UNC13C: variants seen among roughly 807,000 people sequenced by gnomAD.
The protein encoded by UNC13C is protein unc-13 homolog C.
UNC13C carries 174 observed loss-of-function variants against 245.4 expected under a neutral mutation model. That is an observed-to-expected ratio of 0.71 (90% CI 0.63 to 0.80). UNC13C has a LOEUF of 0.80. Among genes scored for constraint, UNC13C ranks in the 30% least tolerant of loss-of-function variants. The pLI, the probability that UNC13C is intolerant of heterozygous loss-of-function variation, is 0.00. For synonymous variants in UNC13C, 992 were observed against 895.1 expected, an observed-to-expected ratio of 1.11 and a Z score of -1.93; for missense variants, 2,829 against 2,602.9, an observed-to-expected ratio of 1.09 and a Z score of -1.89.
chr15:54,552,672 T>C (rs1230074942), intron 28 of UNC13C, among the ~76,000 whole-genome samples: 3 of 84,318 alleles, frequency 3.6e-5, no homozygotes, highest in African/African-American at 5.5e-5. Context: ...TATTGTACTA[T>C]ATAATATAAT....
At chr15:54,311,474 G>T (rs2140963561) in intron 13 of UNC13C, among the ~76,000 whole-genome samples, 1 of 151,706 alleles carries the variant, frequency 6.6e-6, no homozygotes, top group African/African-American at 2.4e-5. Flanking sequence ...AGTTGTTATT[G>T]AAACTGGTAA....
chr15:54,333,730 C>A, intron 15 of UNC13C, 37 bp from the exon 16 acceptor site: 1 of 1,425,674 alleles, frequency 7.0e-7, no homozygotes, highest in Non-Finnish European at 9.8e-7. Flanking sequence ...AAGTTTACTG[C>A]TGACAACCTT....
chr15:54,554,237 A>ATAGATTATTATCTTCAGGT (rs1406407176), intron 28 of UNC13C, among the ~76,000 whole-genome samples: 1 of 152,016 alleles, frequency 6.6e-6, no homozygotes, highest in African/African-American at 2.4e-5. Flanking sequence ...CGAGACATAG[A>ATAGATTATTATCTTCAGGT]TAGATTATTA....
the UNC13C span, among the ~76,000 whole-genome samples, chr15:53,871,533 G>C: frequency 6.6e-6 from 1 of 152,200 alleles, no homozygotes; most frequent in East Asian, 1.9e-4. Flanking sequence ...TGAGCAACTT[G>C]AGGGAAGGTC....
the UNC13C span, among the ~76,000 whole-genome samples, chr15:53,865,948 C>G: frequency 0.021 from 3,228 of 151,862 alleles, 122 homozygotes; most frequent in African/African-American, 0.074. Flanking sequence ...AATTCTGAAC[C>G]TATACAATAG....
At chr15:54,476,722 T>C (rs1029134503) in intron 19 of UNC13C, among the ~76,000 whole-genome samples, 8 of 150,476 alleles carry the variant, frequency 5.3e-5, no homozygotes, top group African/African-American at 2.0e-4. Flanking sequence ...CCTTGTAGTA[T>C]AGTTTGAAGT....
At chr15:54,145,538 T>C (rs1247323403) in intron 4 of UNC13C, among the ~76,000 whole-genome samples, 3 of 152,208 alleles carry the variant, frequency 2.0e-5, no homozygotes, top group Admixed American at 6.5e-5. Flanking sequence ...AAGATCATTA[T>C]GAATTATTCA....
chr15:53,850,407 G>C, the UNC13C span, among the ~76,000 whole-genome samples: 1 of 151,896 alleles, frequency 6.6e-6, no homozygotes, highest in African/African-American at 2.4e-5. Context: ...AGAGCAAGAC[G>C]CTGTCTCTAA....
At chr15:54,111,914 G>T (rs897427451) in intron 2 of UNC13C, among the ~76,000 whole-genome samples, 1 of 152,090 alleles carries the variant, frequency 6.6e-6, no homozygotes, top group Non-Finnish European at 1.5e-5. Context: ...AGAAATGGTG[G>T]CATGCAAAGT....
intron 1 of UNC13C, among the ~76,000 whole-genome samples, chr15:54,011,069 A>T (rs1304174528): frequency 6.6e-6 from 1 of 152,080 alleles, no homozygotes; most frequent in Non-Finnish European, 1.5e-5. Context: ...ATTTTTACAG[A>T]TAGTGAGGGC....
At chr15:54,467,746 C>A (rs1892258052) in intron 19 of UNC13C, among the ~76,000 whole-genome samples, 1 of 151,624 alleles carries the variant, frequency 6.6e-6, no homozygotes. Context: ...TCTCACTAAG[C>A]ATAATGTCCT....
At chr15:54,202,860 A>G (rs1189224360) in intron 4 of UNC13C, among the ~76,000 whole-genome samples, 1 of 151,986 alleles carries the variant, frequency 6.6e-6, no homozygotes, top group Non-Finnish European at 1.5e-5. Context: ...CAAAAGAAAT[A>G]AACAGCAGAG....
the UNC13C span, among the ~76,000 whole-genome samples, chr15:53,894,879 C>A: frequency 1.3e-5 from 2 of 152,152 alleles, no homozygotes; most frequent in South Asian, 4.2e-4. Flanking sequence ...TCACCATGTT[C>A]AATAATAATC....
intron 26 of UNC13C, among the ~76,000 whole-genome samples, chr15:54,544,432 G>A (rs1444664306): frequency 6.6e-6 from 1 of 152,154 alleles, no homozygotes. Context: ...ACATAGTATT[G>A]GAAGTTCTGG....
chr15:53,976,472 TCTC>T (rs1289383909), upstream of UNC13C, among the ~76,000 whole-genome samples: 49 of 67,482 alleles, frequency 7.3e-4, no homozygotes, highest in Non-Finnish European at 1.3e-3. Context: ...TCTCTCTCTC[TCTC>T]TCTTTTTTTT....
At chr15:54,129,605 T>C (rs886886468) in intron 2 of UNC13C, among the ~76,000 whole-genome samples, 1 of 151,960 alleles carries the variant, frequency 6.6e-6, no homozygotes, top group Admixed American at 6.6e-5. Flanking sequence ...TTTGGTAATT[T>C]ATATTTTTAA....
chr15:54,414,420 T>C (rs2040477444), intron 18 of UNC13C, among the ~76,000 whole-genome samples: 1 of 151,952 alleles, frequency 6.6e-6, no homozygotes, highest in African/African-American at 2.4e-5. Context: ...GCCAAGGTGG[T>C]TGAATCACCT....
chr15:54,406,725 A>G (rs1232447363), intron 18 of UNC13C, among the ~76,000 whole-genome samples: 1 of 152,184 alleles, frequency 6.6e-6, no homozygotes, highest in African/African-American at 2.4e-5. Flanking sequence ...AATTCTTAAT[A>G]TTAAGTGAGC....
chr15:54,338,354 T>TGTC lies in UNC13C; in HGVS notation c.4585-7_4585-6insGTC, dbSNP rs2141004822. The TGTC allele has an allele frequency of 1.2e-6, 2 of 1,608,978 alleles. No homozygotes were observed. ...CATTTGAGAAAATAAATGTCTGTCT[T>TGTC]TGTCAGGTTCTGGAGCTGCAAAGCC... On this transcript the variant is annotated splice_region_variant and splice_polypyrimidine_tract_variant and intron_variant, in intron 16 of 32. Transcript: ENST00000260323.
Sources: allele counts gnomAD v4.1 joint callset (sites outside exome capture counted in the v4.1 genomes callset), GRCh38; gene constraint gnomAD v4.1.1; transcripts MANE v1.5; gene names NCBI Gene and HGNC (gene_info 2026-07-23, HGNC 2026-07-21).